The following SERINC2 variants were observed in gnomAD, a reference collection of about 807,000 sequenced individuals.
SERINC2 encodes serine incorporator 2.
Under a neutral mutation model 54.2 loss-of-function variants are expected in SERINC2, and 56 were observed. The observed-to-expected ratio is 1.03, with a 90% CI of 0.83 to 1.29. The LOEUF is 1.29. SERINC2 is among the 50% of genes most tolerant of loss of function. The pLI is 0.00. For synonymous variants in SERINC2, 272 were observed against 253.1 expected (o/e 1.07, Z -0.71); for missense variants, 614 against 607.4 (o/e 1.01, Z -0.12).
chr1:31,432,552 G>A (rs1336121737), intron 8 of SERINC2, among the ~76,000 whole-genome samples: 1 of 152,130 alleles, frequency 6.6e-6, no homozygotes, highest in Non-Finnish European at 1.5e-5. Flanking sequence ...AATGGATGTA[G>A]TACCTGGTAT....
At position 31,414,278 on chromosome 1, in the gene SERINC2, C is replaced by G. The variant is rs1640721135; in HGVS notation, c.39+974C>G. 14 of 1,322,906 alleles carry G rather than the reference C, an allele frequency of 1.1e-5. No individual in the cohort carries two copies. The South Asian group carries it at 2.8e-4, about 26-fold the overall frequency. The allele number at this position is 1,322,906 out of a possible 1,614,324, so 81.9% of individuals were successfully genotyped here. A position where few individuals can be genotyped will look rare whatever the true frequency, so the allele number is the denominator to read the frequency against. On this transcript the variant is annotated intron_variant, in intron 1 of 9. Coordinates refer to ENST00000373709, the MANE Select transcript of SERINC2 (RefSeq NM_178865.5). ...CCTTCCCTTTCCCCAGCCCCCCTCT[C>G]CTTTCCTCTTCCCCTCATTAAATCT...
At chr1:31,416,895 T>G (rs1640793912) in intron 1 of SERINC2, among the ~76,000 whole-genome samples, 2 of 152,084 alleles carry the variant, frequency 1.3e-5, no homozygotes, top group Non-Finnish European at 2.9e-5. Flanking sequence ...AATTTTTGTG[T>G]TTTTAATAGA....
chr1:31,427,613 TGAGGAAGGG>T (rs1641079991), intron 6 of SERINC2, among the ~76,000 whole-genome samples: 6 of 152,116 alleles, frequency 3.9e-5, no homozygotes, highest in Admixed American at 3.3e-4. Flanking sequence ...GATATGGCTG[TGAGGAAGGG>T]GAGGAAGAAT....
intron 8 of SERINC2, among the ~76,000 whole-genome samples, chr1:31,431,726 A>G (rs1553134487): frequency 7.5e-6 from 1 of 133,700 alleles, no homozygotes; most frequent in Non-Finnish European, 1.7e-5. Flanking sequence ...CCCATGCATG[A>G]GATATCCATA....
chr1:31,418,723 C>T (rs1570032944), intron 1 of SERINC2, among the ~76,000 whole-genome samples: 1 of 152,130 alleles, frequency 6.6e-6, no homozygotes, highest in Non-Finnish European at 1.5e-5. Flanking sequence ...CAGCTGCCTC[C>T]CTTACCCACC....
intron 1 of SERINC2, among the ~76,000 whole-genome samples, chr1:31,421,765 C>T (rs1640906524): frequency 6.6e-6 from 1 of 152,200 alleles, no homozygotes; most frequent in African/African-American, 2.4e-5. Context: ...GGATGAAAAC[C>T]AGTGTCCTGT....
rs890543911 is a variant in SERINC2, at chr1:31,424,950, T to C, written c.392+77T>C. On this transcript the variant is annotated intron_variant, in intron 3 of 9. Coordinates refer to ENST00000373709, the MANE Select transcript of SERINC2 (RefSeq NM_178865.5). ...CCGCTCCTCTGCCTGTCCAGGGATC[T>C]GCAGACCCTACCCACCACTCAGGAG... The C allele has an allele frequency of 3.6e-5, 45 of 1,261,616 alleles. No individual in the cohort carries two copies. The Admixed American group carries it at 9.2e-4, about 26-fold the overall frequency. 78.2% of individuals were successfully genotyped at this position (1,261,616 alleles called of 1,614,324 possible).
chr1:31,426,193 G>A (rs782500119), intron 5 of SERINC2, among the ~76,000 whole-genome samples: 12 of 152,136 alleles, frequency 7.9e-5, no homozygotes, highest in Non-Finnish European at 1.3e-4. Flanking sequence ...AGTGTGGGAC[G>A]CCCTTTTGGT....
chr1:31,423,123 C>T (rs1456660918), intron 1 of SERINC2, among the ~76,000 whole-genome samples: 1 of 152,236 alleles, frequency 6.6e-6, no homozygotes, highest in Non-Finnish European at 1.5e-5. Context: ...ATGAACAAAA[C>T]GCAAAAATTC....
chr1:31,410,566 C>A, upstream of SERINC2: 1 of 1,265,072 alleles, frequency 7.9e-7, no homozygotes, highest in Non-Finnish European at 1.1e-6. Flanking sequence ...GAGTGGCTAT[C>A]CCTTTACACA....
At chr1:31,412,367 G>T (rs531875561), upstream of SERINC2, among the ~76,000 whole-genome samples, 1 of 152,200 alleles carries the variant, frequency 6.6e-6, no homozygotes, top group Non-Finnish European at 1.5e-5. Flanking sequence ...GACCAGTTTG[G>T]GCATCCCTAG....
rs1641369355 is a variant in SERINC2, at chr1:31,433,132, C to T, written c.1179C>T (p.Phe393=). ...CCTACAGCTACTCCTTCTTCCACTTCTGCCTGGTGCTGGCCTCACTGCACG... is the reference window on the plus strand; with the variant it reads ...CCTACAGCTACTCCTTCTTCCACTTTTGCCTGGTGCTGGCCTCACTGCACG... ...GVTYSYSFFH[F]CLVLASLHVM... The change falls in exon 9 of 10, where the codon TTC becomes TTT. Residue 393 remains phenylalanine (F), a synonymous_variant. Coordinates refer to ENST00000373709, the MANE Select transcript of SERINC2 (RefSeq NM_178865.5). The T allele has an allele frequency of 6.2e-7, 1 of 1,613,844 alleles. No homozygotes were observed. The highest frequency in any genetic ancestry group is 8.5e-7 in the Non-Finnish European group (1 of 1,180,032).
intron 5 of SERINC2, 37 bp from the exon 6 acceptor site, chr1:31,426,617 A>C (rs1378665290): frequency 1.3e-6 from 2 of 1,558,028 alleles, no homozygotes; most frequent in African/African-American, 2.7e-5. Context: ...CTCCTGCCCC[A>C]CCCACTGCCT....
intron 9 of SERINC2, 22 bp downstream of exon 9, chr1:31,433,207 G>C (rs1014113617): frequency 1.2e-6 from 2 of 1,604,074 alleles, no homozygotes; most frequent in Non-Finnish European, 1.7e-6. Flanking sequence ...GTGGGGCATG[G>C]ACAGAGCCCG....
chr1:31,418,016 C>T (rs1480428853), intron 1 of SERINC2, among the ~76,000 whole-genome samples: 1 of 152,090 alleles, frequency 6.6e-6, no homozygotes, highest in South Asian at 2.1e-4. Flanking sequence ...ACCACCATGC[C>T]CAGCTAATTT....
Position 31,432,140 on chromosome 1 carries a change from GGGTGGACAGGGTGGAC to G in SERINC2, c.1014-826_1014-811del, listed in dbSNP as rs1557501514. 3.5e-4 allele frequency among the ~76,000 whole-genome samples: 49 copies of G among 140,662 alleles called. 13 individuals are homozygous for G. The highest frequency in any genetic ancestry group is 3.7e-3 in the Middle Eastern group (1 of 272). 92.3% of individuals were successfully genotyped at this position (140,662 alleles called of 152,430 possible). On this transcript the variant is annotated intron_variant, in intron 8 of 9. Transcript: ENST00000373709. ...GTGGTTAGGGTGGATAGGGTGGACA[GGGTGGACAGGGTGGAC>G]AGGGTGGATAGGGTGGATAGGGTGG... is the stretch of plus-strand genomic sequence containing the variant.
At chr1:31,432,104 GGGTGGAT>G (rs1641286548) in intron 8 of SERINC2, among the ~76,000 whole-genome samples, 2 of 132,070 alleles carry the variant, frequency 1.5e-5, no homozygotes, top group African/African-American at 3.1e-5. Context: ...AGGGTGGACA[GGGTGGAT>G]AGGGTGGTTA....
chr1:31,432,083 T>TGGAGAGGG (rs1557501056), intron 8 of SERINC2, among the ~76,000 whole-genome samples: 2 of 19,398 alleles, frequency 1.0e-4, no homozygotes, highest in Non-Finnish European at 1.9e-4. Context: ...GACAGGGTGG[T>TGGAGAGGG]TAGGGTGGAC....
chr1:31,425,460 C>A (rs377081765), intron 4 of SERINC2, 51 bp downstream of exon 4: 4 of 1,367,670 alleles, frequency 2.9e-6, no homozygotes, highest in Non-Finnish European at 4.2e-6. Context: ...GGAAGTGGGG[C>A]GGCAGGTTGG....
Sources: allele counts gnomAD v4.1 joint callset (sites outside exome capture counted in the v4.1 genomes callset), GRCh38; gene constraint gnomAD v4.1.1; transcripts MANE v1.5; gene names NCBI Gene and HGNC (gene_info 2026-07-23, HGNC 2026-07-21).